ABCB1: variants seen among roughly 807,000 people sequenced by gnomAD.
ABCB1 encodes the protein ATP-dependent translocase ABCB1.
Under a neutral mutation model 142.0 loss-of-function variants are expected in ABCB1, and 69 were observed. That is an observed-to-expected ratio of 0.49 (90% CI 0.40 to 0.59). The LOEUF (loss-of-function observed/expected upper bound fraction) is 0.59, where lower values mean the gene tolerates loss of function less well. ABCB1 is among the 20% of genes least tolerant of loss of function. The pLI, the probability that ABCB1 is intolerant of heterozygous loss-of-function variation, is 0.00. For missense variants in ABCB1, 1,326 were observed against 1,554.7 expected (o/e 0.85, Z 2.47); for synonymous variants, 532 against 539.2 (o/e 0.99, Z 0.18).
At chr7:87,526,729 C>T (rs1256739286) in intron 21 of ABCB1, among the ~76,000 whole-genome samples, 1 of 152,084 alleles carries the variant, frequency 6.6e-6, no homozygotes, top group African/African-American at 2.4e-5. Context: ...ACAAAGAAAG[C>T]ATCAATGTAA....
At chr7:87,508,396 T>C (rs1814845080) in intron 26 of ABCB1, among the ~76,000 whole-genome samples, 1 of 152,222 alleles carries the variant, frequency 6.6e-6, no homozygotes, top group Admixed American at 6.5e-5. Flanking sequence ...AAGTGAATTA[T>C]GTATATGCAA....
intron 5 of ABCB1, among the ~76,000 whole-genome samples, chr7:87,569,063 C>T (rs143185116): frequency 1.3e-5 from 2 of 152,108 alleles, no homozygotes; most frequent in East Asian, 1.9e-4. Flanking sequence ...CAGGGCATGG[C>T]GGCTCACACC....
chr7:87,553,222 T>C (rs1268607477), intron 9 of ABCB1, among the ~76,000 whole-genome samples: 1 of 152,114 alleles, frequency 6.6e-6, no homozygotes, highest in Non-Finnish European at 1.5e-5. Context: ...GTTAATATTA[T>C]TTAGGCTACA....
At chr7:87,625,627 G>C (rs1820388378) in intron 1 of ABCB1, among the ~76,000 whole-genome samples, 2 of 152,158 alleles carry the variant, frequency 1.3e-5, no homozygotes, top group Non-Finnish European at 2.9e-5. Flanking sequence ...CAAATATTTT[G>C]CTGAGACTGC....
chr7:87,643,340 C>G (rs2130310930), intron 1 of ABCB1, among the ~76,000 whole-genome samples: 2 of 151,990 alleles, frequency 1.3e-5, no homozygotes, highest in Middle Eastern at 6.8e-3. Flanking sequence ...TTTTTGGTTC[C>G]AATAAAAGTT....
intron 1 of ABCB1, among the ~76,000 whole-genome samples, chr7:87,703,914 G>GTTTTTTTTTTTTTTTTTTTTTTTTTTT (rs35797972): frequency 3.0e-4 from 13 of 42,974 alleles, no homozygotes; most frequent in African/African-American, 3.8e-4. Flanking sequence ...TTTTTTTTTG[G>GTTTTTTTTTTTTTTTTTTTTTTTTTTT]TTTTTTTTTT....
chr7:87,507,838 A>G (rs1380402935), intron 26 of ABCB1, among the ~76,000 whole-genome samples: 1 of 152,200 alleles, frequency 6.6e-6, no homozygotes, highest in Non-Finnish European at 1.5e-5. Context: ...TTGCAGCAAC[A>G]TGGATGCAGC....
At chr7:87,621,750 T>C (rs1820230998) in intron 1 of ABCB1, among the ~76,000 whole-genome samples, 1 of 152,132 alleles carries the variant, frequency 6.6e-6, no homozygotes, top group Admixed American at 6.5e-5. Flanking sequence ...AAATTAAGTA[T>C]ATATTTCTCT....
At chr7:87,543,836 C>G (rs560799065) in intron 17 of ABCB1, among the ~76,000 whole-genome samples, 3 of 152,236 alleles carry the variant, frequency 2.0e-5, no homozygotes, top group African/African-American at 7.2e-5. Context: ...TTGTTCAGAG[C>G]CAAATGTTGG....
chr7:87,578,796 C>T (rs1818382572), intron 4 of ABCB1, among the ~76,000 whole-genome samples: 1 of 150,976 alleles, frequency 6.6e-6, no homozygotes, highest in Non-Finnish European at 1.5e-5. Context: ...CGGGTTCACG[C>T]CATTCTCCTG....
chr7:87,516,401 T>C, intron 24 of ABCB1, 108 bp downstream of exon 24: 1 of 1,427,476 alleles, frequency 7.0e-7, no homozygotes, highest in Non-Finnish European at 9.9e-7. Context: ...TAGGAAGTTT[T>C]ATTTTATCAT....
chr7:87,680,797 AAAAAG>A lies in ABCB1; in HGVS notation c.-331+32359_-331+32363del, dbSNP rs558068259. ...GCAAGGAGTGAAACTCCATCTCAAA[AAAAAG>A]AAAAGAAAAGAAAAAAGAAAAAGAA... is the stretch of plus-strand genomic sequence containing the variant. On this transcript the variant is annotated intron_variant, in intron 1 of 28. Transcript: ENST00000265724. Among the ~76,000 whole-genome samples the A allele has an allele frequency of 1.0e-4, 15 of 150,494 alleles. 2 individuals are homozygous for A. The highest frequency in any genetic ancestry group is 1.3e-4 in the Admixed American group (2 of 15,070).
At chr7:87,706,784 G>T (rs997488641) in intron 1 of ABCB1, among the ~76,000 whole-genome samples, 3 of 152,146 alleles carry the variant, frequency 2.0e-5, no homozygotes, top group African/African-American at 7.2e-5. Flanking sequence ...AAATGTGCCT[G>T]GAGTTGTGCA....
chr7:87,688,025 T>C (rs1190139025), intron 1 of ABCB1, among the ~76,000 whole-genome samples: 6 of 152,116 alleles, frequency 3.9e-5, no homozygotes, highest in African/African-American at 9.7e-5. Flanking sequence ...TAAAATCCCA[T>C]ATACTCAGGC....
intron 1 of ABCB1, among the ~76,000 whole-genome samples, chr7:87,640,492 C>T (rs1246537646): frequency 6.6e-6 from 1 of 151,956 alleles, no homozygotes; most frequent in East Asian, 1.9e-4. Flanking sequence ...TGCAGACATG[C>T]ACCACCACAC....
intron 1 of ABCB1, among the ~76,000 whole-genome samples, chr7:87,673,896 C>A (rs1053926393): frequency 1.3e-5 from 2 of 152,072 alleles, no homozygotes; most frequent in African/African-American, 2.4e-5. Flanking sequence ...CTTTTATATT[C>A]TTTGATGCCC....
chr7:87,663,746 A>C (rs188715275), intron 1 of ABCB1, among the ~76,000 whole-genome samples: 1 of 152,288 alleles, frequency 6.6e-6, no homozygotes, highest in Admixed American at 6.5e-5. Context: ...AGGCTTAAGT[A>C]ACAGAAATTT....
chr7:87,565,691 C>G (rs1817755291), intron 7 of ABCB1, among the ~76,000 whole-genome samples: 1 of 150,206 alleles, frequency 6.7e-6, no homozygotes, highest in Non-Finnish European at 1.5e-5. Context: ...AAACTTGAGT[C>G]TCTACTTGCC....
upstream of ABCB1, among the ~76,000 whole-genome samples, chr7:87,602,080 G>A (rs1447877376): frequency 1.3e-5 from 2 of 151,930 alleles, no homozygotes; most frequent in Admixed American, 6.5e-5. Context: ...TGCAAGCTCC[G>A]CCTCCCGGGT....
Sources: allele counts gnomAD v4.1 joint callset (sites outside exome capture counted in the v4.1 genomes callset), GRCh38; gene constraint gnomAD v4.1.1; transcripts MANE v1.5; gene names NCBI Gene and HGNC (gene_info 2026-07-23, HGNC 2026-07-21).